The following AP1M2 variants were observed in gnomAD, a reference collection of about 807,000 sequenced individuals.
The protein encoded by AP1M2 is AP-1 complex subunit mu-2.
Under a neutral mutation model 54.6 loss-of-function variants are expected in AP1M2, and 41 were observed. That is an observed-to-expected ratio of 0.75 (90% confidence interval 0.59 to 0.97). The LOEUF (loss-of-function observed/expected upper bound fraction) is 0.97, where lower values mean the gene tolerates loss of function less well. Among genes scored for constraint, AP1M2 ranks in the 50% least tolerant of loss-of-function variants. AP1M2 has a pLI of 0.00. For synonymous variants in AP1M2, 219 were observed against 215.9 expected, an observed-to-expected ratio of 1.01 and a Z score of -0.13; for missense variants, 507 against 561.2, an observed-to-expected ratio of 0.90 and a Z score of 0.98.
At chr19:10,580,207 A>C (rs1382065241) in intron 6 of AP1M2, among the ~76,000 whole-genome samples, 1 of 151,382 alleles carries the variant, frequency 6.6e-6, no homozygotes, top group East Asian at 1.9e-4. Flanking sequence ...ATGTGCTACC[A>C]CCCCCGGCTA....
At chr19:10,586,680 G>A (rs1448932576) in intron 1 of AP1M2, among the ~76,000 whole-genome samples, 3 of 152,008 alleles carry the variant, frequency 2.0e-5, no homozygotes, top group African/African-American at 7.3e-5. Flanking sequence ...GCTGCAGTGA[G>A]CTATGATCGC....
chr19:10,578,841 C>T (rs539208036), intron 8 of AP1M2, 51 bp downstream of exon 8: 22 of 1,473,220 alleles, frequency 1.5e-5, no homozygotes, highest in South Asian at 1.3e-4. Context: ...TGTGAGCCAC[C>T]GCACCCACCC....
chr19:10,586,966 C>G (rs1431533348), intron 1 of AP1M2, among the ~76,000 whole-genome samples: 1 of 152,162 alleles, frequency 6.6e-6, no homozygotes, highest in East Asian at 1.9e-4. Context: ...GGGTGGGGAC[C>G]TCTGTTGCTC....
At chr19:10,581,099 T>C (rs1057024273) in intron 6 of AP1M2, among the ~76,000 whole-genome samples, 167 bp downstream of exon 6, 1 of 152,222 alleles carries the variant, frequency 6.6e-6, no homozygotes, top group African/African-American at 2.4e-5. Flanking sequence ...CGCTCAATCA[T>C]GAAACAGCCT....
chr19:10,576,258 ATTT>A (rs34667196), intron 9 of AP1M2, among the ~76,000 whole-genome samples: 1 of 82,540 alleles, frequency 1.2e-5, no homozygotes, highest in Non-Finnish European at 2.2e-5. Flanking sequence ...TGCCCGGCTA[ATTT>A]TTTTTTTTTT....
intron 3 of AP1M2, among the ~76,000 whole-genome samples, chr19:10,583,075 C>A (rs1917516169): frequency 6.6e-6 from 1 of 151,892 alleles, no homozygotes. Flanking sequence ...ATCCGCCCAC[C>A]TTAGCCTCCC....
rs981262820 is a variant in AP1M2 at position 10,578,751 on chromosome 19, C to G, written c.888+141G>C. On this transcript the variant is annotated intron_variant, in intron 8 of 11. Coordinates refer to ENST00000250244, the MANE Select transcript of AP1M2 (RefSeq NM_005498.5). ...ATTTTTTGTAGAAACAGGGTTTCGCCCTGTTGCCCAGGCTGGTCTCAAAGT... is the reference window on the plus strand; with the variant it reads ...ATTTTTTGTAGAAACAGGGTTTCGCGCTGTTGCCCAGGCTGGTCTCAAAGT... 29 of 547,312 alleles carry G rather than the reference C, an allele frequency of 5.3e-5. No individual in the cohort carries two copies. In the Admixed American group the frequency reaches 8.2e-4, roughly 15 times the overall value. 33.9% of individuals were successfully genotyped at this position (547,312 alleles called of 1,614,324 possible). A position where few individuals can be genotyped will look rare whatever the true frequency, so the allele number is the denominator to read the frequency against.
intron 10 of AP1M2, 51 bp downstream of exon 10, chr19:10,574,853 G>C (rs1917173364): frequency 6.4e-7 from 1 of 1,559,430 alleles, no homozygotes; most frequent in Non-Finnish European, 8.7e-7. Flanking sequence ...ACAGGAGAGA[G>C]GGGAACCCAC....
In AP1M2 at chr19:10,581,265, C is replaced by T. The variant is rs775054210; in HGVS notation, c.673+1G>A. On this transcript the variant is annotated splice_donor_variant, in intron 6 of 11. Coordinates refer to ENST00000250244, the MANE Select transcript of AP1M2 (RefSeq NM_005498.5). LOFTEE classifies it high-confidence loss of function. The stretch of plus-strand genomic sequence containing the variant: ...AGAAGAAAGGTCCCCTAAATGCTTA[C>T]GGCCAGTGAGCTCGAAGAGCACGCG... 20 of 1,612,034 alleles carry T rather than the reference C, an allele frequency of 1.2e-5. No individual in the cohort carries two copies. Among genetic ancestry groups the T allele is most frequent in the East Asian group, 8.9e-5 (4 of 44,828 alleles).
chr19:10,574,624 TA>T (rs1917165222), intron 10 of AP1M2, 132 bp from the exon 11 acceptor site: 2 of 828,240 alleles, frequency 2.4e-6, no homozygotes, highest in Non-Finnish European at 3.7e-6. Context: ...CACATGGTCT[TA>T]GGGGGATGAG....
chr19:10,574,958 C>A lies in AP1M2; in HGVS notation c.1119G>T (p.Arg373=), dbSNP rs776152265. ...TCTCAAACTTGACCCCGATGGGGGG[C>A]CGGCCCTCCACCTCTTCCTTTTCCA... ...PSVEKEEVEG[R]PPIGVKFEIP... The change falls in exon 10 of 12, where the codon CGG becomes CGT. Residue 373 remains arginine (R), a synonymous_variant. Transcript: ENST00000250244. 8 of 1,591,164 alleles carry A rather than the reference C, an allele frequency of 5.0e-6. No homozygotes were observed. In the East Asian group the frequency reaches 6.8e-5, roughly 14 times the overall value.
intron 7 of AP1M2, 50 bp from the exon 8 acceptor site, chr19:10,579,013 T>G: frequency 2.5e-6 from 3 of 1,188,438 alleles, no homozygotes; most frequent in Non-Finnish European, 3.5e-6. Context: ...GTTGACTCTC[T>G]TCTTTTTTTT....
intron 3 of AP1M2, among the ~76,000 whole-genome samples, chr19:10,582,184 C>T (rs1821281): frequency 0.25 from 38,345 of 151,812 alleles, 5,853 homozygotes; most frequent in East Asian, 0.66. Context: ...GCTGGGACTA[C>T]AGGCACGCAC....
chr19:10,585,354 A>AGATG (rs1190334557), intron 1 of AP1M2, among the ~76,000 whole-genome samples: 1 of 151,630 alleles, frequency 6.6e-6, no homozygotes, highest in Non-Finnish European at 1.5e-5. Context: ...AAAGAAAGAA[A>AGATG]GATGACAGTT....
chr19:10,575,177 T>C, intron 9 of AP1M2, 148 bp from the exon 10 acceptor site: 1 of 843,916 alleles, frequency 1.2e-6, no homozygotes, highest in Non-Finnish European at 1.6e-6. Context: ...CATATTGAGA[T>C]ACCATGTCTA....
Position 10,577,307 on chromosome 19 carries a change from G to C in AP1M2, c.938C>G (p.Ser313Cys). The C allele has an allele frequency of 6.2e-7, 1 of 1,609,884 alleles. No homozygotes were observed. Among genetic ancestry groups the C allele is most frequent in the South Asian group, 1.1e-5 (1 of 90,306 alleles). The change falls in exon 9 of 12, where the codon TCT becomes TGT. Residue 313 changes from serine to cysteine, a missense_variant. By Grantham distance (112) the Ser-to-Cys change is moderately radical. Coordinates refer to ENST00000250244, the MANE Select transcript of AP1M2 (RefSeq NM_005498.5). ...GTCGGCATCGCTGGGTACAGGCACAGATATCTCCACACCGTTGGCCACTGA... is the reference window on the plus strand; with the variant it reads ...GTCGGCATCGCTGGGTACAGGCACACATATCTCCACACCGTTGGCCACTGA... ...KQSVANGVEI[S>C]VPVPSDADSP...
chr19:10,573,137 G>A (rs1398720993), intron 11 of AP1M2, 49 bp from the exon 12 acceptor site: 10 of 1,513,894 alleles, frequency 6.6e-6, no homozygotes, highest in Non-Finnish European at 9.0e-6. Context: ...GGGAGAGGGG[G>A]GCCGGGCACG....
rs386388547 is a variant in AP1M2, at chr19:10,577,423, CTTTTTTTTTTTTT to C, written c.889-80_889-68del. ...TCATCCTTCAAATATTTACCAAGCC[CTTTTTTTTTTTTT>C]TTTTTTTTTTTTTTTGAGACGGAGT... On this transcript the variant is annotated intron_variant, in intron 8 of 11. Coordinates refer to ENST00000250244, the MANE Select transcript of AP1M2 (RefSeq NM_005498.5). The C allele has an allele frequency of 8.7e-4, 323 of 370,998 alleles. 1 individual carries two copies. The highest frequency in any genetic ancestry group is 9.9e-4 in the Non-Finnish European group (245 of 246,254). 23.0% of individuals were successfully genotyped at this position (370,998 alleles called of 1,614,324 possible). A position where few individuals can be genotyped will look rare whatever the true frequency, so the allele number is the denominator to read the frequency against.
At chr19:10,585,108 T>C (rs1236592357) in intron 1 of AP1M2, 1 of 151,308 alleles carries the variant, frequency 6.6e-6, no homozygotes, top group Non-Finnish European at 1.5e-5. Flanking sequence ...ACAGCTACTC[T>C]GGAGGCTAAG....
Sources: gnomAD v4.1 joint callset for allele counts (sites outside exome capture counted in the v4.1 genomes callset) on GRCh38, gnomAD v4.1.1 for gene constraint, MANE v1.5 for transcripts, NCBI Gene and HGNC (gene_info 2026-07-23, HGNC 2026-07-21) for gene names.